Variants in ABHD2 observed in about 807,000 individuals in gnomAD.
ABHD2 encodes monoacylglycerol lipase ABHD2.
Under a neutral mutation model 48.1 loss-of-function variants are expected in ABHD2, and 20 were observed. The ratio of observed to expected loss-of-function variants is 0.42; its 90% CI spans 0.29 to 0.60. The LOEUF (loss-of-function observed/expected upper bound fraction) is 0.60. Among genes scored for constraint, ABHD2 ranks in the 20% least tolerant of loss-of-function variants. The pLI is 0.24. For synonymous variants in ABHD2, 209 were observed against 214.2 expected (o/e 0.98, Z 0.21); for missense variants, 405 against 550.9 (o/e 0.74, Z 2.65).
chr15:89,148,053 A>G (rs1385883644), intron 3 of ABHD2, among the ~76,000 whole-genome samples: 3 of 139,416 alleles, frequency 2.2e-5, no homozygotes, highest in African/African-American at 7.9e-5. Flanking sequence ...CGGGAGGCAG[A>G]GGTAGCAGTG....
At position 89,123,276 on chromosome 15, in the gene ABHD2, C is replaced by T. The variant is rs1035873160; in HGVS notation, c.194+6755C>T. Among the ~76,000 whole-genome samples, 10 of 152,314 alleles carry T rather than the reference C, an allele frequency of 6.6e-5. No homozygotes were observed. In the South Asian group the frequency reaches 8.3e-4, roughly 13 times the overall value. ...GCCCTTCCATAGACCATAATGGATT[C>T]ATCTCCGGTGGTTTTCCCTTTTTCT... On this transcript the variant is annotated intron_variant, in intron 3 of 10. Coordinates refer to ENST00000352732, the MANE Select transcript of ABHD2 (RefSeq NM_152924.5).
chr15:89,084,412 G>A (rs1359541674), upstream of ABHD2, among the ~76,000 whole-genome samples: 1 of 152,112 alleles, frequency 6.6e-6, no homozygotes, highest in Non-Finnish European at 1.5e-5. The surrounding 1 kb of genome is among the most constrained non-coding windows in gnomAD (Gnocchi z 4.4). Context: ...CGATTCTCCT[G>A]CCTCAGCCTC....
At chr15:89,048,989 C>T in the ABHD2 span, among the ~76,000 whole-genome samples, 2 of 151,734 alleles carry the variant, frequency 1.3e-5, no homozygotes, top group East Asian at 1.9e-4. Context: ...ATTTTTTCTG[C>T]TCTGTTTTTT....
intron 5 of ABHD2, among the ~76,000 whole-genome samples, chr15:89,169,056 G>A (rs1400148948): frequency 1.3e-5 from 2 of 152,094 alleles, no homozygotes; most frequent in Non-Finnish European, 2.9e-5. Flanking sequence ...TCATGCCACT[G>A]TACTCCAGCC....
chr15:89,190,692 A>G (rs1448465350), intron 8 of ABHD2, among the ~76,000 whole-genome samples: 3 of 152,246 alleles, frequency 2.0e-5, no homozygotes, highest in African/African-American at 4.8e-5. Flanking sequence ...GCACTTGAAC[A>G]TCATAAGTCT....
intron 5 of ABHD2, among the ~76,000 whole-genome samples, chr15:89,162,241 T>G (rs1308006901): frequency 1.3e-5 from 2 of 152,170 alleles, no homozygotes. Flanking sequence ...CTTAAAACAG[T>G]ACTCCTCAAG....
At chr15:89,139,592 G>A (rs555657830) in intron 3 of ABHD2, among the ~76,000 whole-genome samples, 57 of 152,086 alleles carry the variant, frequency 3.7e-4, no homozygotes, top group South Asian at 8.3e-4. Flanking sequence ...AGGCAGGTTC[G>A]GACCTGATAA....
chr15:89,166,424 G>T lies in ABHD2; in HGVS notation c.539-9388G>T, dbSNP rs773702326. On this transcript the variant is annotated intron_variant, in intron 5 of 10. Coordinates refer to ENST00000352732, the MANE Select transcript of ABHD2 (RefSeq NM_152924.5). This position sits in a 1 kb window ranked among gnomAD's most constrained non-coding sequence, Gnocchi z 4.6. The stretch of plus-strand genomic sequence containing the variant: ...AGGAAGTACGTGAAATCACAGCATT[G>T]AATTCTCTTGCTGGGAGGAGGAAAT... Among the ~76,000 whole-genome samples the T allele has an allele frequency of 5.9e-5, 9 of 152,190 alleles. No individual in the cohort carries two copies. The highest frequency in any genetic ancestry group is 8.8e-5 in the Non-Finnish European group (6 of 68,032).
the ABHD2 span, among the ~76,000 whole-genome samples, chr15:89,054,416 C>A: frequency 6.6e-5 from 10 of 152,048 alleles, no homozygotes; most frequent in Non-Finnish European, 1.5e-4. Flanking sequence ...TGCAGTGGCT[C>A]ACGCCTGTAA....
rs1009717674 is a variant in ABHD2, at chr15:89,179,277, TGG to T, written c.722+3284_722+3285del. On this transcript the variant is annotated intron_variant, in intron 6 of 10. Transcript: ENST00000352732. The surrounding 1 kb of genome is among the most constrained non-coding windows in gnomAD (Gnocchi z 4.3). The stretch of plus-strand genomic sequence containing the variant: ...AGGCCGCACAGCAGGAGGTGAGCGG[TGG>T]GCAGGTCACAGTGGGCAAAGCAGTA... Among the ~76,000 whole-genome samples the T allele has an allele frequency of 6.6e-6, 1 of 152,132 alleles. No homozygotes were observed. The highest frequency in any genetic ancestry group is 1.5e-5 in the Non-Finnish European group (1 of 68,016).
chr15:89,193,948 G>A (rs2051349926), intron 10 of ABHD2, among the ~76,000 whole-genome samples: 10 of 151,188 alleles, frequency 6.6e-5, no homozygotes. Flanking sequence ...AGAATTAGCT[G>A]GGCATGGTGG....
the ABHD2 span, among the ~76,000 whole-genome samples, chr15:89,041,048 G>T: frequency 1.3e-5 from 2 of 152,190 alleles, no homozygotes; most frequent in African/African-American, 4.8e-5. Flanking sequence ...GCCTACCCCT[G>T]GCCTGGGATG....
chr15:89,175,894 C>T lies in ABHD2; in HGVS notation c.621C>T (p.Ser207=). ...CCCAGCTGGTCGTCGTGGGCTTCAGCCTGGGTGGTAACATTGTGTGCAAAT... is the reference window on the plus strand; with the variant it reads ...CCCAGCTGGTCGTCGTGGGCTTCAGTCTGGGTGGTAACATTGTGTGCAAAT... ...PLTQLVVVGF[S]LGGNIVCKYL... is the part of the protein sequence containing the mutation. The change falls in exon 6 of 11, where the codon AGC becomes AGT. Residue 207 remains serine, a synonymous_variant. Coordinates refer to ENST00000352732, the MANE Select transcript of ABHD2 (RefSeq NM_152924.5). This position sits in a 1 kb window ranked among gnomAD's most constrained non-coding sequence, Gnocchi z 5.7. The T allele has an allele frequency of 6.2e-7, 1 of 1,614,098 alleles. No homozygotes were observed.
Position 89,168,105 on chromosome 15 carries a change from C to T in ABHD2, c.539-7707C>T, listed in dbSNP as rs2050864364. Among the ~76,000 whole-genome samples the T allele has an allele frequency of 1.3e-5, 2 of 151,882 alleles. No homozygotes were observed. The highest frequency in any genetic ancestry group is 4.1e-4 in the South Asian group (2 of 4,832). On this transcript the variant is annotated intron_variant, in intron 5 of 10. Transcript: ENST00000352732. This position sits in a 1 kb window ranked among gnomAD's most constrained non-coding sequence, Gnocchi z 4.8. The stretch of plus-strand genomic sequence containing the variant: ...GTCCCTGTATTTTAGCCTATTTAGT[C>T]ATGCTAGTGTCATTTGGGGAAGTGG...
intron 3 of ABHD2, among the ~76,000 whole-genome samples, chr15:89,130,178 G>C (rs1287331393): frequency 1.3e-5 from 2 of 152,192 alleles, no homozygotes; most frequent in South Asian, 2.1e-4. Context: ...AAGTAAACTA[G>C]TTTATACTGT....
chr15:89,110,006 A>G (rs2049847848), intron 1 of ABHD2, among the ~76,000 whole-genome samples: 1 of 152,240 alleles, frequency 6.6e-6, no homozygotes, highest in African/African-American at 2.4e-5. Context: ...CCTATTACAA[A>G]GTAAATGATG....
At chr15:89,136,011 C>T (rs1456293809) in intron 3 of ABHD2, 1 of 244,994 alleles carries the variant, frequency 4.1e-6, no homozygotes, top group African/African-American at 2.3e-5. Context: ...ACTGCAACCT[C>T]TGCCTCCCAG....
At chr15:89,075,389 G>A in the ABHD2 span, 4 of 152,402 alleles carry the variant, frequency 2.6e-5, no homozygotes, top group African/African-American at 9.7e-5. This position sits in a 1 kb window ranked among gnomAD's most constrained non-coding sequence, Gnocchi z 4.1. Context: ...CAAAGGGTGA[G>A]TAGAGTTTTC....
intron 5 of ABHD2, among the ~76,000 whole-genome samples, chr15:89,162,640 A>G (rs1225848906): frequency 1.3e-5 from 2 of 152,064 alleles, no homozygotes; most frequent in Admixed American, 1.3e-4. Context: ...CTCAACCAAG[A>G]TGTCACCCTC....
Sources: gnomAD v4.1 joint callset for allele counts (sites outside exome capture counted in the v4.1 genomes callset) on GRCh38, gnomAD v4.1.1 for gene constraint, Gnocchi (gnomAD v3.1) non-coding constraint, MANE v1.5 for transcripts, NCBI Gene and HGNC (gene_info 2026-07-23, HGNC 2026-07-21) for gene names.